ARHGAP15: variants seen among roughly 807,000 people sequenced by gnomAD.
ARHGAP15 encodes the protein Rho GTPase activating protein 15, also known as rho GTPase-activating protein 15.
A neutral mutation model predicts 63.7 loss-of-function variants in ARHGAP15; 51 were observed. That is an observed-to-expected ratio of 0.80 (90% confidence interval 0.64 to 1.01). ARHGAP15 has a LOEUF of 1.01. Among genes scored for constraint, ARHGAP15 ranks in the 50% least tolerant of loss-of-function variants. The pLI, the probability that ARHGAP15 is intolerant of heterozygous loss-of-function variation, is 0.00. For missense variants in ARHGAP15, 560 were observed against 564.6 expected, an observed-to-expected ratio of 0.99 and a Z score of 0.08; for synonymous variants, 191 against 193.8, an observed-to-expected ratio of 0.99 and a Z score of 0.12.
intron 10 of ARHGAP15, among the ~76,000 whole-genome samples, chr2:143,548,345 T>A (rs908071216): frequency 1.3e-5 from 2 of 152,042 alleles, no homozygotes; most frequent in African/African-American, 4.8e-5. Context: ...CACCTTCTTC[T>A]TAGTATATAT....
intron 8 of ARHGAP15, among the ~76,000 whole-genome samples, chr2:143,453,607 G>A (rs1439460234): frequency 1.3e-5 from 2 of 151,920 alleles, no homozygotes; most frequent in Admixed American, 6.6e-5. Context: ...AGAGATTAAT[G>A]TATTTTCCAA....
At chr2:143,547,193 C>T (rs1695369344) in intron 10 of ARHGAP15, among the ~76,000 whole-genome samples, 1 of 152,098 alleles carries the variant, frequency 6.6e-6, no homozygotes, top group Non-Finnish European at 1.5e-5. Flanking sequence ...GCCTCAAATT[C>T]TTAGCTGAGC....
At chr2:143,699,592 T>C (rs2105413257) in intron 12 of ARHGAP15, among the ~76,000 whole-genome samples, 1 of 152,338 alleles carries the variant, frequency 6.6e-6, no homozygotes, top group South Asian at 2.1e-4. Flanking sequence ...GACCATCAAT[T>C]TCTCAGCCTA....
intron 3 of ARHGAP15, among the ~76,000 whole-genome samples, chr2:143,206,357 T>G (rs775820533): frequency 3.9e-5 from 6 of 152,198 alleles, no homozygotes; most frequent in Non-Finnish European, 7.3e-5. Flanking sequence ...AATTAAAAGT[T>G]TATTAAAACA....
At chr2:143,130,325 T>A (rs1457602685) in intron 1 of ARHGAP15, among the ~76,000 whole-genome samples, 4 of 152,138 alleles carry the variant, frequency 2.6e-5, no homozygotes, top group East Asian at 1.9e-4. Context: ...CTGTAACATA[T>A]GTGCAGAAAA....
chr2:143,431,343 A>G (rs1689381625), intron 6 of ARHGAP15, among the ~76,000 whole-genome samples: 1 of 151,944 alleles, frequency 6.6e-6, no homozygotes, highest in Admixed American at 6.6e-5. Flanking sequence ...TGGCATTCTC[A>G]TTTTCCTCAT....
chr2:143,652,970 C>A (rs991850188), intron 12 of ARHGAP15, among the ~76,000 whole-genome samples: 1 of 151,998 alleles, frequency 6.6e-6, no homozygotes, highest in Non-Finnish European at 1.5e-5. Context: ...GTGGACATTT[C>A]TGTCCTGTTC....
At chr2:143,312,681 T>G (rs945852644) in intron 6 of ARHGAP15, among the ~76,000 whole-genome samples, 1 of 152,196 alleles carries the variant, frequency 6.6e-6, no homozygotes, top group Non-Finnish European at 1.5e-5. Context: ...CTTCGCTAAT[T>G]CACAGTTCTT....
intron 13 of ARHGAP15, among the ~76,000 whole-genome samples, chr2:143,760,145 A>G (rs2105547282): frequency 6.6e-6 from 1 of 152,284 alleles, no homozygotes; most frequent in Non-Finnish European, 1.5e-5. Context: ...TAAGTACGCA[A>G]TAGATTTTTA....
At chr2:143,334,112 T>C (rs1033197084) in intron 6 of ARHGAP15, among the ~76,000 whole-genome samples, 1 of 152,152 alleles carries the variant, frequency 6.6e-6, no homozygotes, top group Admixed American at 6.6e-5. Context: ...AGTTGAAGCT[T>C]CCCCTTGTAC....
intron 6 of ARHGAP15, among the ~76,000 whole-genome samples, chr2:143,292,979 C>A (rs137936996): frequency 1.1e-4 from 17 of 152,128 alleles, no homozygotes; most frequent in African/African-American, 3.9e-4. Flanking sequence ...TTTCTTCGAA[C>A]TTTTCCTTTA....
At chr2:143,555,685 C>T (rs1695757466) in intron 10 of ARHGAP15, among the ~76,000 whole-genome samples, 1 of 152,028 alleles carries the variant, frequency 6.6e-6, no homozygotes, top group Admixed American at 6.6e-5. Flanking sequence ...ATCTGAAACT[C>T]ATTTTACCAT....
chr2:143,143,040 G>T (rs919726947), intron 1 of ARHGAP15, among the ~76,000 whole-genome samples: 4 of 152,058 alleles, frequency 2.6e-5, no homozygotes, highest in Non-Finnish European at 4.4e-5. Flanking sequence ...AATTTAGACA[G>T]AAATTTGGCT....
At chr2:143,161,385 C>A (rs1005122266) in intron 2 of ARHGAP15, among the ~76,000 whole-genome samples, 2 of 151,932 alleles carry the variant, frequency 1.3e-5, no homozygotes, top group African/African-American at 2.4e-5. Flanking sequence ...TTCCAAATTA[C>A]AGTCCTATGA....
intron 11 of ARHGAP15, among the ~76,000 whole-genome samples, chr2:143,569,384 A>G (rs1696365433): frequency 6.6e-6 from 1 of 152,220 alleles, no homozygotes; most frequent in Non-Finnish European, 1.5e-5. Flanking sequence ...GTGATGTAAT[A>G]GAGAAGAACA....
rs112018716 is a variant in ARHGAP15, at chr2:143,704,195, T to C, written c.1244+671T>C. On this transcript the variant is annotated intron_variant, in intron 13 of 13. Coordinates refer to ENST00000295095, the MANE Select transcript of ARHGAP15 (RefSeq NM_018460.4). ...GTTCTTGTGGTCCACAGTGAGAGAT[T>C]TGGATTCTATTCTAAATTCAAGGAA... Among the ~76,000 whole-genome samples the C allele has an allele frequency of 9.9e-5, 15 of 152,206 alleles. 1 individual carries two copies. The highest frequency in any genetic ancestry group is 2.9e-4 in the African/African-American group (12 of 41,544).
rs144637513 is a variant in ARHGAP15, at chr2:143,174,709, A to C, written c.165+19054A>C. On this transcript the variant is annotated intron_variant, in intron 2 of 13. Coordinates refer to ENST00000295095, the MANE Select transcript of ARHGAP15 (RefSeq NM_018460.4). ...GCACTTTTGAGTGCCTATTTGATTT[A>C]CTTGTTAAAAGAATTGGTACAGATT... Among the ~76,000 whole-genome samples, 1,347 of 152,226 alleles carry C rather than the reference A, an allele frequency of 8.8e-3. 23 individuals are homozygous for C. The highest frequency in any genetic ancestry group is 0.031 in the African/African-American group (1,271 of 41,548).
chr2:143,740,531 G>A (rs1685921929), intron 13 of ARHGAP15, among the ~76,000 whole-genome samples: 1 of 152,162 alleles, frequency 6.6e-6, no homozygotes, highest in Non-Finnish European at 1.5e-5. Context: ...TCATAAAAGA[G>A]CTCTGCAATA....
chr2:143,465,537 G>C (rs1249645155), intron 8 of ARHGAP15, among the ~76,000 whole-genome samples: 1 of 152,040 alleles, frequency 6.6e-6, no homozygotes, highest in Non-Finnish European at 1.5e-5. Context: ...GGGTATAACT[G>C]GCAGTCCTTT....
Sources: gnomAD v4.1 joint callset for allele counts (sites outside exome capture counted in the v4.1 genomes callset) on GRCh38, gnomAD v4.1.1 for gene constraint, MANE v1.5 for transcripts, NCBI Gene and HGNC (gene_info 2026-07-23, HGNC 2026-07-21) for gene names.